CCDC60: variants seen among roughly 807,000 people sequenced by gnomAD.
The protein encoded by CCDC60 is coiled-coil domain containing 60.
In CCDC60, 54 loss-of-function variants were observed where a neutral mutation model predicts 63.5. The observed-to-expected ratio is 0.85, with a 90% CI of 0.68 to 1.07. CCDC60 has a LOEUF of 1.07. Among genes scored for constraint, CCDC60 ranks in the 50% least tolerant of loss-of-function variants. The pLI, the probability that CCDC60 is intolerant of heterozygous loss-of-function variation, is 0.00. For missense variants in CCDC60, 651 were observed against 684.3 expected (o/e 0.95, Z 0.54); for synonymous variants, 206 against 238.8 (o/e 0.86, Z 1.27).
chr12:119,479,517 G>A (rs185013699), intron 4 of CCDC60: 29 of 280,714 alleles, frequency 1.0e-4, no homozygotes, highest in African/African-American at 5.9e-4. Flanking sequence ...GAACATCTCA[G>A]CCTGTGCTCA....
chr12:119,484,432 A>C (rs1315961369), intron 4 of CCDC60, among the ~76,000 whole-genome samples: 1 of 152,096 alleles, frequency 6.6e-6, no homozygotes, highest in African/African-American at 2.4e-5. Context: ...AATTGTGCTC[A>C]AGTACAGGTG....
At chr12:119,383,511 G>GCCAC (rs1406331656) in intron 1 of CCDC60, among the ~76,000 whole-genome samples, 3 of 152,198 alleles carry the variant, frequency 2.0e-5, no homozygotes, top group Non-Finnish European at 4.4e-5. Flanking sequence ...AGAGTATGGA[G>GCCAC]ATGAGGGCCC....
At chr12:119,441,574 C>T (rs2136261029) in intron 2 of CCDC60, among the ~76,000 whole-genome samples, 1 of 152,314 alleles carries the variant, frequency 6.6e-6, no homozygotes, top group East Asian at 1.9e-4. Context: ...CAAAGAAAAT[C>T]ACTCTCCTGA....
chr12:119,505,302 G>A lies in CCDC60; in HGVS notation c.882G>A (p.Met294Ile), dbSNP rs747330574. Residue 294 changes from methionine (M) to isoleucine (I), a missense_variant and splice_region_variant, in exon 7 of 14, where the codon ATG becomes ATA. Transcript: ENST00000327554. The part of the protein sequence containing the change: ...STKPDEEPLY[M>I]NLQKLLEMVR... ...AGCCAGATGAAGAACCTCTGTATAT[G>A]AGTAAGTCCTACCTGAGATCTGACT... The A allele has an allele frequency of 6.3e-7, 1 of 1,598,136 alleles. No individual in the cohort carries two copies. Among genetic ancestry groups the A allele is most frequent in the Non-Finnish European group, 8.5e-7 (1 of 1,172,556 alleles).
chr12:119,367,424 C>T (rs1955851879), intron 1 of CCDC60, among the ~76,000 whole-genome samples: 1 of 152,186 alleles, frequency 6.6e-6, no homozygotes, highest in South Asian at 2.1e-4. Context: ...ATTCCACCGC[C>T]TATATCCTCC....
Position 119,519,401 on chromosome 12 carries a change from A to ATGTGTGTG in CCDC60, c.969-693_969-686dup, listed in dbSNP as rs141127258. Among the ~76,000 whole-genome samples the ATGTGTGTG allele has an allele frequency of 2.4e-3, 322 of 136,476 alleles. 1 individual carries two copies. The highest frequency in any genetic ancestry group is 4.4e-3 in the Admixed American group (58 of 13,328). The allele number at this position is 136,476 out of a possible 152,430, so 89.5% of individuals were successfully genotyped here. On this transcript the variant is annotated intron_variant, in intron 8 of 13. Coordinates refer to ENST00000327554, the MANE Select transcript of CCDC60 (RefSeq NM_178499.5). ...AGAATATCCAGAGGTAGTGATATAT[A>ATGTGTGTG]TGTGTGTGTGTGTGTGTGTGTGTGT... is the stretch of plus-strand genomic sequence containing the variant.
rs1261671110 is a variant in CCDC60 at position 119,472,099 on chromosome 12, G to A, written c.276G>A (p.Glu92=). The A allele has an allele frequency of 1.9e-5, 30 of 1,614,118 alleles. No homozygotes were observed. The highest frequency in any genetic ancestry group is 2.5e-5 in the Non-Finnish European group (30 of 1,180,006). ...KQQQLQKLKE[E]ERNKFQPAEK... ...AACAACTTCAGAAACTGAAAGAGGA[G>A]GAAAGAAATAAATTCCAGCCAGCCG... Residue 92 remains glutamate (E), a synonymous_variant, in exon 3 of 14, where the codon GAG becomes GAA. Transcript: ENST00000327554.
At chr12:119,431,994 A>G (rs2136239276) in intron 2 of CCDC60, among the ~76,000 whole-genome samples, 2 of 152,242 alleles carry the variant, frequency 1.3e-5, no homozygotes, top group Middle Eastern at 6.8e-3. Flanking sequence ...TTTTTAAACC[A>G]TAAACTAAGT....
chr12:119,451,030 G>A (rs1347750397), intron 2 of CCDC60, among the ~76,000 whole-genome samples: 1 of 152,150 alleles, frequency 6.6e-6, no homozygotes, highest in African/African-American at 2.4e-5. Flanking sequence ...TTGTGCAGGG[G>A]AGAGATGATG....
At chr12:119,342,454 T>A (rs1175128440) in intron 1 of CCDC60, among the ~76,000 whole-genome samples, 1 of 152,196 alleles carries the variant, frequency 6.6e-6, no homozygotes, top group Admixed American at 6.5e-5. Flanking sequence ...CTGGATTGAC[T>A]ATTCAGCAGT....
chr12:119,355,150 C>T (rs1000652376), intron 1 of CCDC60, among the ~76,000 whole-genome samples: 8 of 152,120 alleles, frequency 5.3e-5, no homozygotes, highest in African/African-American at 1.9e-4. Flanking sequence ...AGTCTTGAAA[C>T]TTGGGTAACC....
At chr12:119,536,930 T>C (rs1421542458) in intron 13 of CCDC60, among the ~76,000 whole-genome samples, 2 of 152,182 alleles carry the variant, frequency 1.3e-5, no homozygotes, top group Admixed American at 1.3e-4. Flanking sequence ...TGGTGTTCTC[T>C]GTATTTTGTG....
At chr12:119,515,275 T>A (rs1398971977) in intron 7 of CCDC60, among the ~76,000 whole-genome samples, 3 of 152,160 alleles carry the variant, frequency 2.0e-5, no homozygotes, top group Non-Finnish European at 4.4e-5. Flanking sequence ...ATTCAACCCA[T>A]AACAGTCAGG....
intron 1 of CCDC60, among the ~76,000 whole-genome samples, chr12:119,376,181 G>A (rs1158053174): frequency 6.6e-6 from 1 of 152,168 alleles, no homozygotes; most frequent in East Asian, 1.9e-4. Context: ...GTGAAGCTTA[G>A]CCCACTCAAT....
intron 1 of CCDC60, among the ~76,000 whole-genome samples, chr12:119,380,441 A>T (rs1460271593): frequency 6.6e-6 from 1 of 152,216 alleles, no homozygotes; most frequent in Non-Finnish European, 1.5e-5. Flanking sequence ...TGGGAAATGA[A>T]TATCAAGAAA....
In CCDC60 at chr12:119,509,941, G is replaced by A. The variant is rs182005662; in HGVS notation, c.883+4638G>A. Among the ~76,000 whole-genome samples, 6 of 152,204 alleles carry A rather than the reference G, an allele frequency of 3.9e-5. No individual in the cohort carries two copies. In the East Asian group the frequency reaches 7.7e-4, roughly 20 times the overall value. ...CTTCAGGAAAAAATAAAAAATAAAC[G>A]ATGGACCAAGAGAGCAAATTGATTT... On this transcript the variant is annotated intron_variant, in intron 7 of 13. Coordinates refer to ENST00000327554, the MANE Select transcript of CCDC60 (RefSeq NM_178499.5).
At chr12:119,436,517 G>A (rs913268783) in intron 2 of CCDC60, among the ~76,000 whole-genome samples, 2 of 148,970 alleles carry the variant, frequency 1.3e-5, no homozygotes, top group Non-Finnish European at 3.0e-5. Context: ...AGAAGCAAGC[G>A]AGTCCCCTTG....
chr12:119,349,495 A>G (rs753815218), intron 1 of CCDC60, among the ~76,000 whole-genome samples: 2 of 151,836 alleles, frequency 1.3e-5, no homozygotes. Context: ...ACAGGTGTGT[A>G]CCACCTAATT....
chr12:119,500,813 C>T (rs1291482877), intron 6 of CCDC60, among the ~76,000 whole-genome samples: 2 of 152,150 alleles, frequency 1.3e-5, no homozygotes, highest in Non-Finnish European at 2.9e-5. Flanking sequence ...ATGATCCCAC[C>T]ACTGCACTCC....
Sources: gnomAD v4.1 joint callset for allele counts (sites outside exome capture counted in the v4.1 genomes callset) on GRCh38, gnomAD v4.1.1 for gene constraint, MANE v1.5 for transcripts, NCBI Gene and HGNC (gene_info 2026-07-23, HGNC 2026-07-21) for gene names.